S100P: variants seen among roughly 807,000 people sequenced by gnomAD.
S100P encodes the protein protein S100-P.
A neutral mutation model predicts 4.7 loss-of-function variants in S100P; 7 were observed. The observed-to-expected ratio is 1.48, with a 90% confidence interval of 0.84 to 2.77. S100P has a LOEUF of 2.77. Among genes scored for constraint, S100P ranks in the 30% most tolerant of loss-of-function variants. The pLI is 0.00. For synonymous variants in S100P, 48 were observed against 49.0 expected (o/e 0.98, Z 0.08); for missense variants, 122 against 120.6 (o/e 1.01, Z -0.06).
At chr4:6,695,947 G>A (rs1480232539) in intron 1 of S100P, among the ~76,000 whole-genome samples, 3 of 152,218 alleles carry the variant, frequency 2.0e-5, no homozygotes, top group Non-Finnish European at 4.4e-5. Context: ...AGGGTATTGT[G>A]ACATGGCCAT....
intron 1 of S100P, among the ~76,000 whole-genome samples, chr4:6,695,497 T>C (rs1714351248): frequency 6.6e-6 from 1 of 152,222 alleles, no homozygotes; most frequent in Non-Finnish European, 1.5e-5. Flanking sequence ...TCTCAAACTC[T>C]GATGTTCATT....
Position 6,694,010 on chromosome 4 carries a change from G to C in S100P, c.78G>C (p.Gln26His), listed in dbSNP as rs1367140679. The change falls in exon 1 of 2, where the codon CAG becomes CAC. Residue 26 changes from glutamine (Q) to histidine (H), a missense_variant. Transcript: ENST00000296370. ...ATTCGGGCAGCGAGGGCAGCACGCA[G>C]ACCCTGACCAAGGGGGAGCTCAAGG... ...SRYSGSEGST[Q>H]TLTKGELKVL... 6.2e-7 allele frequency: 1 copy of C among 1,614,072 alleles called. No individual in the cohort carries two copies. Among genetic ancestry groups the C allele is most frequent in the South Asian group, 1.1e-5 (1 of 91,078 alleles).
At position 6,697,003 on chromosome 4, in the gene S100P, T is replaced by C. The variant is rs1225794531; in HGVS notation, c.249T>C (p.Ser83=). Residue 83 remains serine, a synonymous_variant, in exon 2 of 2, where the codon TCT becomes TCC. Coordinates refer to ENST00000296370, the MANE Select transcript of S100P (RefSeq NM_005980.3). ...EFIVFVAAIT[S]ACHKYFEKAG... ...TAGTGTTCGTGGCTGCAATCACGTCTGCCTGTCACAAGTACTTTGAGAAGG... is the reference window on the plus strand; with the variant it reads ...TAGTGTTCGTGGCTGCAATCACGTCCGCCTGTCACAAGTACTTTGAGAAGG... 2 of 1,613,856 alleles carry C rather than the reference T, an allele frequency of 1.2e-6. No individual in the cohort carries two copies. Among genetic ancestry groups the C allele is most frequent in the African/African-American group, 1.3e-5 (1 of 74,946 alleles).
intron 1 of S100P, among the ~76,000 whole-genome samples, chr4:6,695,604 C>G (rs1185090807): frequency 6.6e-6 from 1 of 152,192 alleles, no homozygotes; most frequent in Non-Finnish European, 1.5e-5. Context: ...GACTTTGATC[C>G]AAGATACTGG....
intron 1 of S100P, among the ~76,000 whole-genome samples, chr4:6,695,464 G>A (rs1714350443): frequency 6.6e-6 from 1 of 152,104 alleles, no homozygotes; most frequent in Non-Finnish European, 1.5e-5. Context: ...ATTTCTTTTT[G>A]AGCTTAACAT....
At chr4:6,694,164 G>A (rs531054091) in intron 1 of S100P, 94 bp downstream of exon 1, 68 of 1,251,244 alleles carry the variant, frequency 5.4e-5, no homozygotes, top group African/African-American at 1.2e-4. Context: ...TGGGGTCGGC[G>A]GTCAAGGGGC....
At chr4:6,695,946 T>C (rs3822263) in intron 1 of S100P, among the ~76,000 whole-genome samples, 99,192 of 152,216 alleles carry the variant, frequency 0.65, 34,090 homozygotes, top group Non-Finnish European at 0.76. Context: ...CAGGGTATTG[T>C]GACATGGCCA....
At chr4:6,694,223 G>A (rs949378610) in intron 1 of S100P, among the ~76,000 whole-genome samples, 153 bp downstream of exon 1, 3 of 152,212 alleles carry the variant, frequency 2.0e-5, no homozygotes, top group African/African-American at 7.2e-5. Context: ...GCCCAGCCAA[G>A]GAACGGACCC....
At chr4:6,695,149 A>T (rs1167067266) in intron 1 of S100P, among the ~76,000 whole-genome samples, 1 of 151,700 alleles carries the variant, frequency 6.6e-6, no homozygotes, top group Non-Finnish European at 1.5e-5. Flanking sequence ...TATTTTTTTT[A>T]GAGACAAGGT....
At chr4:6,694,705 CA>C (rs1714325197) in intron 1 of S100P, among the ~76,000 whole-genome samples, 1 of 152,196 alleles carries the variant, frequency 6.6e-6, no homozygotes, top group Admixed American at 6.5e-5. Flanking sequence ...CCGCCCGGGG[CA>C]GCCTCCGGCT....
intron 1 of S100P, 38 bp downstream of exon 1, chr4:6,694,108 G>T (rs1233078220): frequency 1.3e-6 from 2 of 1,554,434 alleles, no homozygotes; most frequent in African/African-American, 1.4e-5. Context: ...AGCGGGGGCT[G>T]GGGAAGAAGG....
At chr4:6,696,805 C>A in intron 1 of S100P, 88 bp from the exon 2 acceptor site, 1 of 1,356,836 alleles carries the variant, frequency 7.4e-7, no homozygotes, top group Non-Finnish European at 1.0e-6. Flanking sequence ...TGTGGGTGCC[C>A]TGCTCCTGCC....
chr4:6,695,772 GC>G (rs2108795013), intron 1 of S100P, among the ~76,000 whole-genome samples: 1 of 152,280 alleles, frequency 6.6e-6, no homozygotes, highest in South Asian at 2.1e-4. Context: ...GCCCAGCAAA[GC>G]CGGAGTCAGA....
intron 1 of S100P, among the ~76,000 whole-genome samples, chr4:6,696,658 A>G (rs999385326): frequency 3.3e-5 from 5 of 152,388 alleles, no homozygotes; most frequent in Middle Eastern, 6.8e-3. Context: ...CACAATTCCA[A>G]TTCGCTCTAA....
Position 6,693,995 on chromosome 4 carries a change from C to T in S100P, c.63C>T (p.Ser21=), listed in dbSNP as rs139901528. 9.9e-6 allele frequency: 16 copies of T among 1,613,836 alleles called. No homozygotes were observed. In the African/African-American group the frequency reaches 1.1e-4, roughly 11 times the overall value. Residue 21 remains serine, a synonymous_variant, in exon 1 of 2, where the codon AGC becomes AGT. Transcript: ENST00000296370. ...IIDVFSRYSG[S]EGSTQTLTKG... is the part of the protein sequence containing the mutation. Reference sequence around the variant, plus strand: ...ACGTCTTTTCCCGATATTCGGGCAGCGAGGGCAGCACGCAGACCCTGACCA... The same window carrying T: ...ACGTCTTTTCCCGATATTCGGGCAGTGAGGGCAGCACGCAGACCCTGACCA...
chr4:6,694,487 T>G (rs892815026), intron 1 of S100P, among the ~76,000 whole-genome samples: 2 of 152,220 alleles, frequency 1.3e-5, no homozygotes, highest in Non-Finnish European at 2.9e-5. Flanking sequence ...GCCCCAGCTC[T>G]GCCTCCCACT....
At chr4:6,695,791 G>A (rs1426540196) in intron 1 of S100P, among the ~76,000 whole-genome samples, 1 of 146,886 alleles carries the variant, frequency 6.8e-6, no homozygotes, top group African/African-American at 2.5e-5. Context: ...AGAGAACAAT[G>A]TCCGCCTGAG....
At chr4:6,696,067 T>C (rs1462141216) in intron 1 of S100P, among the ~76,000 whole-genome samples, 1 of 152,152 alleles carries the variant, frequency 6.6e-6, no homozygotes, top group Non-Finnish European at 1.5e-5. Context: ...GGTCAGATGA[T>C]ATGTTTCTAC....
At chr4:6,694,136 G>A (rs1714312295) in intron 1 of S100P, 66 bp downstream of exon 1, 2 of 1,476,556 alleles carry the variant, frequency 1.4e-6, no homozygotes, top group Non-Finnish European at 1.8e-6. Context: ...GTGGCAGGCA[G>A]AGGGCTGAGA....
Sources: gnomAD v4.1 joint callset for allele counts (sites outside exome capture counted in the v4.1 genomes callset) on GRCh38, gnomAD v4.1.1 for gene constraint, MANE v1.5 for transcripts, NCBI Gene and HGNC (gene_info 2026-07-23, HGNC 2026-07-21) for gene names.